Variants in SETBP1 observed in about 807,000 individuals in gnomAD.
SETBP1 encodes the protein SET-binding protein.
A neutral mutation model predicts 101.0 loss-of-function variants in SETBP1; 9 were observed. The observed-to-expected ratio is 0.09, with a 90% CI of 0.05 to 0.16. SETBP1 has a LOEUF of 0.16. Ranked by LOEUF, SETBP1 falls within the 10% of genes least tolerant of loss-of-function variation. The probability of loss-of-function intolerance (pLI) is 1.00; values close to 1 mark genes in which losing one functional copy is unlikely to be tolerated. For synonymous variants in SETBP1, 818 were observed against 788.5 expected (o/e 1.04, Z -0.63); for missense variants, 1,858 against 2,033.8 (o/e 0.91, Z 1.66).
intron 4 of SETBP1, among the ~76,000 whole-genome samples, chr18:44,969,543 G>A (rs2071795507): frequency 6.6e-6 from 1 of 152,126 alleles, no homozygotes; most frequent in Non-Finnish European, 1.5e-5. Context: ...AGGGACTTTA[G>A]GTTGGGACCT....
chr18:45,023,144 T>C (rs1198062530), intron 4 of SETBP1, among the ~76,000 whole-genome samples: 7 of 152,236 alleles, frequency 4.6e-5, no homozygotes, highest in Non-Finnish European at 1.0e-4. Flanking sequence ...ACTTTTATTG[T>C]GGTATCTATG....
chr18:44,970,498 C>A (rs767610075), intron 4 of SETBP1, among the ~76,000 whole-genome samples: 1 of 151,962 alleles, frequency 6.6e-6, no homozygotes, highest in Non-Finnish European at 1.5e-5. Context: ...TTGTTTACAA[C>A]GATTCTAGTT....
intron 4 of SETBP1, among the ~76,000 whole-genome samples, chr18:44,973,662 G>A (rs1231667486): frequency 2.0e-5 from 3 of 152,212 alleles, no homozygotes; most frequent in African/African-American, 7.2e-5. Flanking sequence ...TAGAAAAAGA[G>A]CTGATAAAGG....
At chr18:44,901,535 C>A (rs1375430362) in intron 3 of SETBP1, among the ~76,000 whole-genome samples, 3 of 152,126 alleles carry the variant, frequency 2.0e-5, no homozygotes, top group African/African-American at 7.2e-5. Context: ...TTCCTTTTGG[C>A]TGAAGCTTTG....
chr18:45,000,161 A>G (rs1490616718), intron 4 of SETBP1, among the ~76,000 whole-genome samples: 1 of 152,244 alleles, frequency 6.6e-6, no homozygotes, highest in African/African-American at 2.4e-5. Flanking sequence ...GATTTGGCAT[A>G]AAGTTGTCTA....
intron 3 of SETBP1, chr18:44,876,566 T>A: frequency 4.5e-6 from 7 of 1,549,532 alleles, no homozygotes; most frequent in Non-Finnish European, 6.1e-6. Flanking sequence ...ATTTTCTAGA[T>A]TAAAGACTCC....
At chr18:44,806,107 AC>A (rs2071728095) in intron 2 of SETBP1, among the ~76,000 whole-genome samples, 1 of 152,160 alleles carries the variant, frequency 6.6e-6, no homozygotes, top group Non-Finnish European at 1.5e-5. Context: ...GCATACATGC[AC>A]CTGCCTACCA....
chr18:44,809,388 A>C (rs1446853775), intron 2 of SETBP1, among the ~76,000 whole-genome samples: 3 of 152,206 alleles, frequency 2.0e-5, no homozygotes, highest in Admixed American at 6.5e-5. Context: ...AATTACTCTC[A>C]TTTCCCCAGT....
chr18:44,751,329 G>A lies in SETBP1; in HGVS notation c.486+49497G>A, dbSNP rs779589898. On this transcript the variant is annotated intron_variant, in intron 2 of 5. Coordinates refer to ENST00000649279, the MANE Select transcript of SETBP1 (RefSeq NM_015559.3). ...GGAAGACCTTCACAGCTTACCTAGCGACAAGATTTTGAGAGAGTTTGAGAG... is the reference window on the plus strand; with the variant it reads ...GGAAGACCTTCACAGCTTACCTAGCAACAAGATTTTGAGAGAGTTTGAGAG... Among the ~76,000 whole-genome samples, 49 of 152,266 alleles carry A rather than the reference G, an allele frequency of 3.2e-4. 1 individual carries two copies. Among genetic ancestry groups the A allele is most frequent in the Middle Eastern group, 6.8e-3 (2 of 294 alleles).
intron 2 of SETBP1, among the ~76,000 whole-genome samples, chr18:44,730,406 G>T (rs1380699981): frequency 6.6e-6 from 1 of 152,214 alleles, no homozygotes; most frequent in African/African-American, 2.4e-5. Flanking sequence ...AACTACGGAG[G>T]ATTCAGAGAA....
At chr18:44,965,190 C>T (rs2071693462) in intron 4 of SETBP1, among the ~76,000 whole-genome samples, 1 of 151,984 alleles carries the variant, frequency 6.6e-6, no homozygotes, top group South Asian at 2.1e-4. Flanking sequence ...CCAACTTCAC[C>T]TCAGCAATGT....
upstream of SETBP1, chr18:44,680,224 C>T (rs1173272455): frequency 6.9e-6 from 1 of 145,318 alleles, no homozygotes; most frequent in Admixed American, 6.8e-5. Context: ...TCCGCGCGCC[C>T]GGGGGCCCCG....
At chr18:44,834,321 T>C (rs1438872026) in intron 2 of SETBP1, among the ~76,000 whole-genome samples, 1 of 152,174 alleles carries the variant, frequency 6.6e-6, no homozygotes, top group Admixed American at 6.5e-5. Context: ...GAGATACCTC[T>C]TTATGGGAAT....
intron 2 of SETBP1, among the ~76,000 whole-genome samples, chr18:44,801,371 G>A (rs570577063): frequency 1.3e-5 from 2 of 152,186 alleles, no homozygotes; most frequent in East Asian, 3.9e-4. Flanking sequence ...CTTGTAGCTT[G>A]AGTGAGGGTT....
At position 44,797,770 on chromosome 18, in the gene SETBP1, A is replaced by G. The variant is rs1441287104; in HGVS notation, c.487-71460A>G. Among the ~76,000 whole-genome samples, 4 of 152,190 alleles carry G rather than the reference A, an allele frequency of 2.6e-5. No homozygotes were observed. The East Asian group carries it at 7.7e-4, about 29-fold the overall frequency. ...GAGAGAGCTCATTCCCACAGCAATT[A>G]GAGATTTTTTTTTTCTTTTCTTGAG... On this transcript the variant is annotated intron_variant, in intron 2 of 5. Transcript: ENST00000649279.
At chr18:44,900,562 T>C (rs2070019645) in intron 3 of SETBP1, among the ~76,000 whole-genome samples, 1 of 152,210 alleles carries the variant, frequency 6.6e-6, no homozygotes, top group Non-Finnish European at 1.5e-5. Flanking sequence ...GATACATAGC[T>C]AGTACCTTTC....
chr18:45,018,801 A>G (rs929053847), intron 4 of SETBP1, among the ~76,000 whole-genome samples: 1 of 152,228 alleles, frequency 6.6e-6, no homozygotes, highest in African/African-American at 2.4e-5. Context: ...GTGGCTAAGT[A>G]TTAAACTGAT....
intron 3 of SETBP1, among the ~76,000 whole-genome samples, chr18:44,888,925 A>G (rs2069708461): frequency 6.6e-6 from 1 of 152,128 alleles, no homozygotes; most frequent in South Asian, 2.1e-4. Context: ...CCAAACATGT[A>G]AAGTGTAGTA....
chr18:44,888,168 T>G (rs774282459), intron 3 of SETBP1, among the ~76,000 whole-genome samples: 10 of 152,058 alleles, frequency 6.6e-5, no homozygotes, highest in Non-Finnish European at 1.3e-4. Context: ...TACACCAGGT[T>G]CCCAGTGAGT....
Sources: gnomAD v4.1 joint callset for allele counts (sites outside exome capture counted in the v4.1 genomes callset) on GRCh38, gnomAD v4.1.1 for gene constraint, MANE v1.5 for transcripts, NCBI Gene and HGNC (gene_info 2026-07-23, HGNC 2026-07-21) for gene names.